Variants in ENTREP2 observed in about 807,000 individuals in gnomAD.
ENTREP2 encodes protein ENTREP2.
the ENTREP2 span, among the ~76,000 whole-genome samples, chr15:29,510,920 A>G: frequency 6.6e-6 from 1 of 152,162 alleles, no homozygotes; most frequent in Non-Finnish European, 1.5e-5. Context: ...AACCATCGTT[A>G]TCAACAAACT....
At chr15:29,633,458 T>G in the ENTREP2 span, among the ~76,000 whole-genome samples, 1 of 150,030 alleles carries the variant, frequency 6.7e-6, no homozygotes, top group Non-Finnish European at 1.5e-5. Context: ...CATTTGATGT[T>G]GGGGGGGGCG....
At chr15:29,389,255 A>G in the ENTREP2 span, among the ~76,000 whole-genome samples, 1 of 152,040 alleles carries the variant, frequency 6.6e-6, no homozygotes, top group African/African-American at 2.4e-5. Context: ...AACTGCGAGA[A>G]AATAAATTTC....
At chr15:29,368,226 G>A in the ENTREP2 span, among the ~76,000 whole-genome samples, 2 of 151,874 alleles carry the variant, frequency 1.3e-5, no homozygotes, top group African/African-American at 2.4e-5. Context: ...TCAGGAGGCT[G>A]AGGCACGAGA....
At chr15:29,132,286 C>T in the ENTREP2 span, among the ~76,000 whole-genome samples, 10 of 152,174 alleles carry the variant, frequency 6.6e-5, no homozygotes, top group African/African-American at 2.4e-4. Context: ...GTGCAGCTGG[C>T]GGCACGGCCT....
At chr15:29,603,392 TG>T in the ENTREP2 span, among the ~76,000 whole-genome samples, 4 of 152,090 alleles carry the variant, frequency 2.6e-5, no homozygotes, top group Non-Finnish European at 4.4e-5. Flanking sequence ...TCTGAACAGT[TG>T]GGGTTTTCTC....
chr15:29,464,344 G>A, the ENTREP2 span, among the ~76,000 whole-genome samples: 1 of 152,162 alleles, frequency 6.6e-6, no homozygotes, highest in African/African-American at 2.4e-5. Context: ...ACAGCATGGG[G>A]CAAGAACAGC....
the ENTREP2 span, among the ~76,000 whole-genome samples, chr15:29,635,599 G>A: frequency 3.9e-5 from 6 of 152,126 alleles, no homozygotes; most frequent in Admixed American, 3.9e-4. Flanking sequence ...AGGCTCCCCA[G>A]GGTGCAGCCA....
the ENTREP2 span, among the ~76,000 whole-genome samples, chr15:29,484,117 T>A: frequency 0.012 from 1,834 of 152,324 alleles, 36 homozygotes; most frequent in African/African-American, 0.042. Flanking sequence ...TAAAGATTTT[T>A]AAAAATATTT....
At chr15:29,229,198 A>G in the ENTREP2 span, among the ~76,000 whole-genome samples, 1 of 126,838 alleles carries the variant, frequency 7.9e-6, no homozygotes, top group African/African-American at 2.6e-5. Flanking sequence ...ATGCTTAAAT[A>G]ATCATTAGAG....
At chr15:29,221,273 C>A in the ENTREP2 span, among the ~76,000 whole-genome samples, 1 of 151,728 alleles carries the variant, frequency 6.6e-6, no homozygotes, top group East Asian at 1.9e-4. Context: ...ACAATCTTGG[C>A]TCACTGCAAC....
the ENTREP2 span, among the ~76,000 whole-genome samples, chr15:29,228,231 A>C: frequency 6.6e-6 from 1 of 152,164 alleles, no homozygotes; most frequent in African/African-American, 2.4e-5. Context: ...AGGCAGGAGA[A>C]TCGCTTGAAC....
chr15:29,619,121 G>A, the ENTREP2 span, among the ~76,000 whole-genome samples: 301 of 152,282 alleles, frequency 2.0e-3, 1 homozygote, highest in African/African-American at 7.0e-3. Flanking sequence ...GGCTGGGCGC[G>A]GTGGCTCACG....
the ENTREP2 span, among the ~76,000 whole-genome samples, chr15:29,518,693 C>A: frequency 6.6e-6 from 1 of 152,128 alleles, no homozygotes; most frequent in Non-Finnish European, 1.5e-5. Flanking sequence ...ATGGAGACAA[C>A]AGCTATAACC....
At chr15:29,420,344 G>A in the ENTREP2 span, among the ~76,000 whole-genome samples, 1 of 152,200 alleles carries the variant, frequency 6.6e-6, no homozygotes, top group Non-Finnish European at 1.5e-5. Context: ...AGAAGGGGAA[G>A]AGGACAAGGG....
chr15:29,556,010 T>C, the ENTREP2 span, among the ~76,000 whole-genome samples: 3 of 152,122 alleles, frequency 2.0e-5, no homozygotes, highest in African/African-American at 7.2e-5. Flanking sequence ...TCCCAACACT[T>C]TGAAAGGCCA....
chr15:29,624,297 CTTCT>C, the ENTREP2 span, among the ~76,000 whole-genome samples: 6 of 152,138 alleles, frequency 3.9e-5, no homozygotes, highest in East Asian at 1.9e-4. Context: ...TATCTCTTTC[CTTCT>C]GTCTCCCAAT....
At chr15:29,458,300 C>A in the ENTREP2 span, among the ~76,000 whole-genome samples, 3 of 152,154 alleles carry the variant, frequency 2.0e-5, no homozygotes, top group African/African-American at 4.8e-5. Context: ...AGGATGCATG[C>A]CCAAACTGGC....
the ENTREP2 span, among the ~76,000 whole-genome samples, chr15:29,393,649 A>G: frequency 3.3e-5 from 5 of 152,312 alleles, no homozygotes; most frequent in East Asian, 9.6e-4. Context: ...TACTCAGCCA[A>G]AATGCCAGAA....
the ENTREP2 span, among the ~76,000 whole-genome samples, chr15:29,479,652 G>GTC: frequency 7.0e-6 from 1 of 143,284 alleles, no homozygotes; most frequent in South Asian, 2.3e-4. Context: ...CTCTCTGTCT[G>GTC]TCTCACACAC....
Sources: allele counts gnomAD v4.1 joint callset (sites outside exome capture counted in the v4.1 genomes callset), GRCh38; gene constraint gnomAD v4.1.1; transcripts MANE v1.5; gene names NCBI Gene and HGNC (gene_info 2026-07-23, HGNC 2026-07-21).